Variants in ZNF341 observed in about 807,000 individuals in gnomAD.
The protein encoded by ZNF341 is zinc finger protein 341.
A neutral mutation model predicts 87.7 loss-of-function variants in ZNF341; 52 were observed. The ratio of observed to expected loss-of-function variants is 0.59; its 90% confidence interval spans 0.47 to 0.75. The LOEUF is 0.75. Among genes scored for constraint, ZNF341 ranks in the 30% least tolerant of loss-of-function variants. The probability of loss-of-function intolerance (pLI) is 0.00; values close to 1 mark genes in which losing one functional copy is unlikely to be tolerated. For missense variants in ZNF341, 977 were observed against 1,145.9 expected, an observed-to-expected ratio of 0.85 and a Z score of 2.13; for synonymous variants, 459 against 472.7, an observed-to-expected ratio of 0.97 and a Z score of 0.38.
Position 33,765,993 on chromosome 20 carries a change from C to T in ZNF341, c.1223-858C>T, listed in dbSNP as rs150212174. Among the ~76,000 whole-genome samples the T allele has an allele frequency of 1.3e-3, 193 of 152,316 alleles. 1 individual carries two copies. The highest frequency in any genetic ancestry group is 4.2e-3 in the African/African-American group (174 of 41,568). ...CACCTTCCGGGTTCAAGCAATTCTC[C>T]TGCCTCAGCCTCCCAAGTAGCTGGG... On this transcript the variant is annotated intron_variant, in intron 8 of 14. Coordinates refer to ENST00000375200, the MANE Select transcript of ZNF341 (RefSeq NM_001282933.2).
Position 33,787,399 on chromosome 20 carries a change from C to G in ZNF341, c.1853-1464C>G, listed in dbSNP as rs538756156. ...TGACCTTTTTAATCTTTTTAATGAC[C>G]ACAGAGCATTCTATTGTAGGGACCA... is the stretch of plus-strand genomic sequence containing the variant. On this transcript the variant is annotated intron_variant, in intron 12 of 14. Coordinates refer to ENST00000375200, the MANE Select transcript of ZNF341 (RefSeq NM_001282933.2). The G allele has an allele frequency of 3.3e-5, 5 of 152,186 alleles. No homozygotes were observed. In the East Asian group the frequency reaches 9.6e-4, roughly 29 times the overall value. 9.4% of individuals were successfully genotyped at this position (152,186 alleles called of 1,614,324 possible).
chr20:33,749,668 G>A (rs1172399391), intron 4 of ZNF341, among the ~76,000 whole-genome samples: 2 of 151,956 alleles, frequency 1.3e-5, no homozygotes, highest in African/African-American at 4.8e-5. Flanking sequence ...CTGACCTCAG[G>A]TGATCCTCCC....
At chr20:33,741,790 A>T (rs2018808585) in intron 2 of ZNF341, among the ~76,000 whole-genome samples, 1 of 152,202 alleles carries the variant, frequency 6.6e-6, no homozygotes, top group Non-Finnish European at 1.5e-5. Context: ...TGGGAATCAC[A>T]CTAGGGGCAG....
At chr20:33,742,474 C>A (rs1227629160) in intron 2 of ZNF341, among the ~76,000 whole-genome samples, 1 of 152,108 alleles carries the variant, frequency 6.6e-6, no homozygotes, top group Non-Finnish European at 1.5e-5. Flanking sequence ...GGATTGCAGG[C>A]GTGAGCCACA....
chr20:33,775,379 T>G (rs2019607966), intron 10 of ZNF341, among the ~76,000 whole-genome samples: 1 of 151,756 alleles, frequency 6.6e-6, no homozygotes, highest in Non-Finnish European at 1.5e-5. Context: ...CCCCGCTAAT[T>G]TTTTGTATTT....
intron 5 of ZNF341, among the ~76,000 whole-genome samples, chr20:33,756,150 G>A (rs181349438): frequency 3.3e-5 from 5 of 152,058 alleles, no homozygotes; most frequent in Admixed American, 3.3e-4. Flanking sequence ...TTGAGCCTGG[G>A]AGGTCAAGGC....
rs1414648859 is a variant in ZNF341, at chr20:33,791,038, G to T, written c.2086G>T (p.Ala696Ser). 6.2e-7 allele frequency: 1 copy of T among 1,613,528 alleles called. No individual in the cohort carries two copies. Among genetic ancestry groups the T allele is most frequent in the Non-Finnish European group, 8.5e-7 (1 of 1,180,008 alleles). ...GTGCAGCAAGTCCTTCAGCCGCCGT[G>T]CCCACCTCGCCGAGCATCAGCGCGC... ...ALCSKSFSRRAHLAEHQRAHT... is the reference protein window; with the variant it reads ...ALCSKSFSRRSHLAEHQRAHT... Residue 696 changes from alanine to serine, a missense_variant, in exon 15 of 15, where the codon GCC becomes TCC. Ala to Ser is a moderately conservative substitution (Grantham distance 99, BLOSUM62 1). Around this residue, in one of 3 missense-constraint regions of ZNF341, gnomAD observed 241 missense variants for 335.0 expected, o/e 0.72. Coordinates refer to ENST00000375200, the MANE Select transcript of ZNF341 (RefSeq NM_001282933.2).
At chr20:33,767,129 G>A (rs985869922) in intron 9 of ZNF341, 88 bp downstream of exon 9, 43 of 1,448,342 alleles carry the variant, frequency 3.0e-5, no homozygotes, top group Non-Finnish European at 3.9e-5. Context: ...CTAGAAAGGG[G>A]TAGGAACCAG....
chr20:33,762,566 G>A (rs1296092139), intron 8 of ZNF341, among the ~76,000 whole-genome samples: 3 of 151,024 alleles, frequency 2.0e-5, no homozygotes, highest in South Asian at 4.2e-4. Context: ...TGTGCAGAAC[G>A]TGCAGGTTTG....
intron 5 of ZNF341, 55 bp downstream of exon 5, chr20:33,753,478 C>T: frequency 6.7e-7 from 1 of 1,493,030 alleles, no homozygotes; most frequent in Non-Finnish European, 8.9e-7. Context: ...TCATGGCCAA[C>T]CCGGACCCAT....
chr20:33,783,881 T>G lies in ZNF341; in HGVS notation c.1852+17T>G. On this transcript the variant is annotated intron_variant, in intron 12 of 14. Coordinates refer to ENST00000375200, the MANE Select transcript of ZNF341 (RefSeq NM_001282933.2). Reference sequence around the variant, plus strand: ...TCCACTCGGGTAGGTACCCTGCCCCTGAGAACTCCAGCCCAGCCCCTCCCC... The same window carrying G: ...TCCACTCGGGTAGGTACCCTGCCCCGGAGAACTCCAGCCCAGCCCCTCCCC... The G allele has an allele frequency of 6.2e-7, 1 of 1,609,262 alleles. No individual in the cohort carries two copies. Among genetic ancestry groups the G allele is most frequent in the Non-Finnish European group, 8.5e-7 (1 of 1,177,378 alleles).
intron 1 of ZNF341, among the ~76,000 whole-genome samples, chr20:33,738,666 G>GAAC (rs1217572136): frequency 6.6e-6 from 1 of 152,224 alleles, no homozygotes; most frequent in African/African-American, 2.4e-5. Flanking sequence ...TGGGGAAGGA[G>GAAC]AACTGGAAGG....
chr20:33,780,575 T>C (rs2019721612), intron 10 of ZNF341, among the ~76,000 whole-genome samples: 1 of 151,990 alleles, frequency 6.6e-6, no homozygotes, highest in African/African-American at 2.4e-5. Context: ...GCCTGGCTAA[T>C]TTTTGTATTT....
chr20:33,778,098 CAGG>C (rs2019664564), intron 10 of ZNF341, among the ~76,000 whole-genome samples: 1 of 152,126 alleles, frequency 6.6e-6, no homozygotes, highest in South Asian at 2.1e-4. Context: ...CTGTTTCTGG[CAGG>C]AGATTTTAAT....
Position 33,757,129 on chromosome 20 carries a change from G to T in ZNF341, c.742-19G>T. On this transcript the variant is annotated intron_variant, in intron 5 of 14. Coordinates refer to ENST00000375200, the MANE Select transcript of ZNF341 (RefSeq NM_001282933.2). ...CCTTCCCTGGCAGGGCTTTTTCCCTGACTGTGTTGTCCTCCTAGGTGCCAA... is the reference window on the plus strand; with the variant it reads ...CCTTCCCTGGCAGGGCTTTTTCCCTTACTGTGTTGTCCTCCTAGGTGCCAA... 1 of 1,381,636 alleles carries T rather than the reference G, an allele frequency of 7.2e-7. No homozygotes were observed. The highest frequency in any genetic ancestry group is 1.9e-5 in the South Asian group (1 of 52,560). The allele number at this position is 1,381,636 out of a possible 1,614,324, so 85.6% of individuals were successfully genotyped here. A position where few individuals can be genotyped will look rare whatever the true frequency, so the allele number is the denominator to read the frequency against.
At chr20:33,778,531 G>A (rs1195335527) in intron 10 of ZNF341, among the ~76,000 whole-genome samples, 2 of 152,218 alleles carry the variant, frequency 1.3e-5, no homozygotes, top group East Asian at 3.9e-4. Flanking sequence ...GGTTGGTCTC[G>A]AACTCCTGAC....
chr20:33,747,630 A>AAC (rs1425093019), intron 3 of ZNF341, among the ~76,000 whole-genome samples: 1 of 132,612 alleles, frequency 7.5e-6, no homozygotes, highest in African/African-American at 3.8e-5. Context: ...AAAAAAAAAA[A>AAC]AAAAAAAAAA....
At chr20:33,743,229 G>A (rs2018844966) in intron 2 of ZNF341, among the ~76,000 whole-genome samples, 1 of 151,284 alleles carries the variant, frequency 6.6e-6, no homozygotes, top group Admixed American at 6.6e-5. Flanking sequence ...ACGGGGTTTC[G>A]CCATGTTGGC....
At chr20:33,782,668 A>C (rs1394895258) in intron 11 of ZNF341, among the ~76,000 whole-genome samples, 3 of 152,138 alleles carry the variant, frequency 2.0e-5, no homozygotes, top group Admixed American at 6.6e-5. Flanking sequence ...CCCCCTTTAT[A>C]GGTGGGGAAA....
Sources: allele counts gnomAD v4.1 joint callset (sites outside exome capture counted in the v4.1 genomes callset), GRCh38; gene constraint gnomAD v4.1.1; regional missense constraint gnomAD v4.1.1; transcripts MANE v1.5; gene names NCBI Gene and HGNC (gene_info 2026-07-23, HGNC 2026-07-21).